The following LARP7 variants were observed in gnomAD, a reference collection of about 807,000 sequenced individuals.
LARP7 encodes La ribonucleoprotein 7, transcriptional regulator.
In LARP7, 52 loss-of-function variants were observed where a neutral mutation model predicts 69.3. That is an observed-to-expected ratio of 0.75 (90% CI 0.60 to 0.95). The LOEUF (loss-of-function observed/expected upper bound fraction) is 0.95, where lower values mean the gene tolerates loss of function less well. Ranked by LOEUF, LARP7 falls within the 40% of genes least tolerant of loss-of-function variation. LARP7 has a pLI of 0.00. For missense variants in LARP7, 733 were observed against 673.0 expected, an observed-to-expected ratio of 1.09 and a Z score of -0.99; for synonymous variants, 254 against 215.9, an observed-to-expected ratio of 1.18 and a Z score of -1.55.
At chr4:112,654,884 A>G (rs1408351048) in intron 12 of LARP7, 1 of 152,130 alleles carries the variant, frequency 6.6e-6, no homozygotes, top group Non-Finnish European at 1.5e-5. Context: ...AAATTTAGAA[A>G]TGCATATTAT....
intron 1 of LARP7, among the ~76,000 whole-genome samples, chr4:112,642,874 T>A (rs1430830357): frequency 6.6e-6 from 1 of 152,200 alleles, no homozygotes; most frequent in Non-Finnish European, 1.5e-5. Flanking sequence ...TAATAGCTGC[T>A]CCAAACCAGG....
At chr4:112,652,200 A>C (rs1182042019) in intron 10 of LARP7, among the ~76,000 whole-genome samples, 1 of 151,952 alleles carries the variant, frequency 6.6e-6, no homozygotes, top group African/African-American at 2.4e-5. Flanking sequence ...TCCGTAATTC[A>C]AACATCTAAA....
intron 10 of LARP7, among the ~76,000 whole-genome samples, chr4:112,652,217 A>G (rs73841096): frequency 2.3e-3 from 347 of 152,074 alleles, no homozygotes; most frequent in African/African-American, 8.0e-3. Context: ...TAAAAATTCA[A>G]CATCTGAAAG....
intron 8 of LARP7, chr4:112,648,116 A>C: frequency 1.8e-6 from 1 of 555,956 alleles, no homozygotes; most frequent in South Asian, 1.4e-5. Context: ...GCTTAAATAT[A>C]TGAGCTGCGG....
chr4:112,648,558 C>T lies in LARP7; in HGVS notation c.1142+724C>T, dbSNP rs575331343. ...CTTCCATGTTAAAGTTGAAGGGAGC[C>T]CACCCAACATACAACTTCTTTGGAC... is the stretch of plus-strand genomic sequence containing the variant. On this transcript the variant is annotated intron_variant, in intron 8 of 12. Transcript: ENST00000344442. 1.1e-4 allele frequency: 58 copies of T among 522,580 alleles called. 1 individual carries two copies. The highest frequency in any genetic ancestry group is 8.1e-4 in the South Asian group (57 of 70,368). 32.4% of individuals were successfully genotyped at this position (522,580 alleles called of 1,614,324 possible).
At chr4:112,642,317 T>C (rs2047995547) in intron 1 of LARP7, among the ~76,000 whole-genome samples, 1 of 152,220 alleles carries the variant, frequency 6.6e-6, no homozygotes, top group South Asian at 2.1e-4. Flanking sequence ...CCTATAGTTG[T>C]GTTTTATGTC....
chr4:112,638,066 C>T (rs55705255), intron 1 of LARP7: 59,858 of 152,166 alleles, frequency 0.39, 12,017 homozygotes, highest in South Asian at 0.49. Flanking sequence ...GAGGCCGACG[C>T]GGGAGGATCA....
intron 1 of LARP7, among the ~76,000 whole-genome samples, chr4:112,643,664 A>G (rs2048046116): frequency 6.6e-6 from 1 of 152,084 alleles, no homozygotes; most frequent in Admixed American, 6.5e-5. Flanking sequence ...CCTGGCCAAC[A>G]TGGTGAAACT....
chr4:112,647,052 G>GA lies in LARP7; in HGVS notation c.573dup (p.Glu192ArgfsTer11). Reference sequence around the variant, plus strand: ...ATTTCAGTTTCTTAACAACCCACCAGAAGAAGCACCAAGAAAACCTGGCAT... The same window carrying GA: ...ATTTCAGTTTCTTAACAACCCACCAGAAAGAAGCACCAAGAAAACCTGGCAT... On this transcript the variant is annotated frameshift_variant, in exon 6 of 13. Coordinates refer to ENST00000344442, the MANE Select transcript of LARP7 (RefSeq NM_016648.4). LOFTEE classifies it high-confidence loss of function. The GA allele has an allele frequency of 6.2e-7, 1 of 1,610,442 alleles. No individual in the cohort carries two copies. The highest frequency in any genetic ancestry group is 1.1e-5 in the South Asian group (1 of 89,858).
At chr4:112,637,392 T>C (rs985559668) in intron 1 of LARP7, 153 bp downstream of exon 1, 1 of 152,378 alleles carries the variant, frequency 6.6e-6, no homozygotes, top group South Asian at 2.1e-4. Flanking sequence ...TAGTTATCTA[T>C]GCGCACGCGC....
Position 112,646,863 on chromosome 4 carries a change from A to T in LARP7, c.460A>T (p.Ile154Leu). 9 of 1,608,072 alleles carry T rather than the reference A, an allele frequency of 5.6e-6. No individual in the cohort carries two copies. Among genetic ancestry groups the T allele is most frequent in the Non-Finnish European group, 7.6e-6 (9 of 1,178,334 alleles). Reference protein sequence around the residue: ...VFGKCGNVVYISIPHYKSTGD... With the variant: ...VFGKCGNVVYLSIPHYKSTGD... ...TGGGAAATGTGGCAATGTTGTTTAT[A>T]TAAGTATACCACATTATAAGTCTAC... Residue 154 changes from isoleucine to leucine, a missense_variant, in exon 5 of 13, where the codon ATA becomes TTA. Transcript: ENST00000344442.
At position 112,654,156 on chromosome 4, in the gene LARP7, A is replaced by G. The variant is rs2048866409; in HGVS notation, c.1665A>G (p.Glu555=). The change falls in exon 12 of 13, where the codon GAA becomes GAG. Residue 555 remains glutamate, a synonymous_variant. Transcript: ENST00000344442. ...NQPREKKRGT[E]KLITKAEKIR... ...CTCGGGAAAAGAAAAGAGGCACTGA[A>G]AAGGTAATTGATTCATTTTTGTTTT... The G allele has an allele frequency of 3.1e-6, 5 of 1,612,124 alleles. No individual in the cohort carries two copies. Among genetic ancestry groups the G allele is most frequent in the Non-Finnish European group, 4.2e-6 (5 of 1,178,474 alleles).
intron 2 of LARP7, chr4:112,645,661 A>T (rs1438236561): frequency 2.2e-6 from 1 of 447,184 alleles, no homozygotes; most frequent in Non-Finnish European, 4.4e-6. Flanking sequence ...CTGAGAACAC[A>T]GGCAAGCATC....
Position 112,640,702 on chromosome 4 carries a change from A to C in LARP7, c.-3+3463A>C, listed in dbSNP as rs151293033. Among the ~76,000 whole-genome samples the C allele has an allele frequency of 2.8e-3, 424 of 152,322 alleles. 2 individuals are homozygous for C. The highest frequency in any genetic ancestry group is 9.7e-3 in the African/African-American group (402 of 41,570). ...ACAACAGACTCCATCTCAATAAATAATTAAAAATAAAAAATAAAGTTATAA... is the reference window on the plus strand; with the variant it reads ...ACAACAGACTCCATCTCAATAAATACTTAAAAATAAAAAATAAAGTTATAA... On this transcript the variant is annotated intron_variant, in intron 1 of 12. Coordinates refer to ENST00000344442, the MANE Select transcript of LARP7 (RefSeq NM_016648.4).
intron 2 of LARP7, chr4:112,645,460 A>G: frequency 2.2e-6 from 1 of 455,840 alleles, no homozygotes; most frequent in Non-Finnish European, 4.4e-6. Flanking sequence ...CGAGAGTGCT[A>G]TACTTTAGTT....
At position 112,657,404 on chromosome 4, in the gene LARP7, G is replaced by T; in HGVS notation, c.*77G>T. 1.7e-6 allele frequency: 1 copy of T among 582,836 alleles called. No homozygotes were observed. The highest frequency in any genetic ancestry group is 2.8e-6 in the Non-Finnish European group (1 of 354,696). 36.1% of individuals were successfully genotyped at this position (582,836 alleles called of 1,614,324 possible). ...TGGGAGATTCACTTTTATTATGGTAGCACTGCATAATTAATGTGTTTTTAA... is the reference window on the plus strand; with the variant it reads ...TGGGAGATTCACTTTTATTATGGTATCACTGCATAATTAATGTGTTTTTAA... On this transcript the variant is annotated 3_prime_UTR_variant, in exon 13 of 13. Transcript: ENST00000344442.
chr4:112,644,945 C>CTTTTTTTTTTTTTTTTTT (rs58234206), intron 2 of LARP7, 74 bp downstream of exon 2: 2 of 159,994 alleles, frequency 1.3e-5, no homozygotes, highest in African/African-American at 3.4e-5. Flanking sequence ...ATAATATATT[C>CTTTTTTTTTTTTTTTTTT]TTTTTTTTTT....
Position 112,657,465 on chromosome 4 carries a change from A to G in LARP7, c.*138A>G. 2 of 414,702 alleles carry G rather than the reference A, an allele frequency of 4.8e-6. No individual in the cohort carries two copies. Among genetic ancestry groups the G allele is most frequent in the Non-Finnish European group, 8.6e-6 (2 of 232,700 alleles). 25.7% of individuals were successfully genotyped at this position (414,702 alleles called of 1,614,324 possible). A position where few individuals can be genotyped will look rare whatever the true frequency, so the allele number is the denominator to read the frequency against. On this transcript the variant is annotated 3_prime_UTR_variant, in exon 13 of 13. Transcript: ENST00000344442. ...TATCTTTGTTCCTCAACTTGTAAAT[A>G]AGACTTTTTTCTAGAGACAAATATG...
intron 11 of LARP7, among the ~76,000 whole-genome samples, chr4:112,653,687 T>C (rs761283474): frequency 5.3e-5 from 8 of 152,196 alleles, no homozygotes; most frequent in African/African-American, 7.2e-5. Context: ...TTTCTCCATG[T>C]TGGTCAGGCT....
Sources: allele counts gnomAD v4.1 joint callset (sites outside exome capture counted in the v4.1 genomes callset), GRCh38; gene constraint gnomAD v4.1.1; transcripts MANE v1.5; gene names NCBI Gene and HGNC (gene_info 2026-07-23, HGNC 2026-07-21).